Variants in PCSK4 observed in about 807,000 individuals in gnomAD.
The protein encoded by PCSK4 is testicular tissue protein Li 135.
In PCSK4, 64 loss-of-function variants were observed where a neutral mutation model predicts 80.3. That is an observed-to-expected ratio of 0.80 (90% CI 0.65 to 0.98). The LOEUF (loss-of-function observed/expected upper bound fraction) is 0.98. PCSK4 is among the 50% of genes least tolerant of loss of function. The pLI, the probability that PCSK4 is intolerant of heterozygous loss-of-function variation, is 0.00. For missense variants in PCSK4, 1,213 were observed against 1,093.6 expected, an observed-to-expected ratio of 1.11 and a Z score of -1.54; for synonymous variants, 561 against 487.6, an observed-to-expected ratio of 1.15 and a Z score of -1.98.
exon 15 of PCSK4, chr19:1,481,525 T>G: frequency 7.3e-6 from 3 of 410,154 alleles, no homozygotes; most frequent in Admixed American, 3.9e-5. Context: ...CCCCTGGCTT[T>G]TGGGGTGCTC....
chr19:1,488,582 ATT>A (rs1000498097), intron 2 of PCSK4, among the ~76,000 whole-genome samples: 1 of 150,190 alleles, frequency 6.7e-6, no homozygotes. Flanking sequence ...TCACTTCCTT[ATT>A]TTTTTTCTTT....
At chr19:1,490,277 C>A (rs1338533928) in exon 1 of PCSK4, 1 of 1,599,714 alleles carries the variant, frequency 6.3e-7, no homozygotes, top group Admixed American at 1.7e-5. Context: ...GCCCACCCCA[C>A]AGCCCGGGGG....
chr19:1,488,857 A>C (rs2084784383), intron 2 of PCSK4, among the ~76,000 whole-genome samples: 1 of 152,210 alleles, frequency 6.6e-6, no homozygotes, highest in Admixed American at 6.5e-5. Context: ...CCGGGATTAC[A>C]GGCATGAACC....
In PCSK4 at chr19:1,487,931, G is replaced by A. The variant is rs2084724904; in HGVS notation, c.516+33C>T. 4 of 1,592,632 alleles carry A rather than the reference G, an allele frequency of 2.5e-6. No individual in the cohort carries two copies. In the East Asian group the frequency reaches 9.0e-5, roughly 36 times the overall value. On this transcript the variant is annotated intron_variant, in intron 4 of 14. Coordinates refer to ENST00000300954, the Ensembl canonical transcript of PCSK4. Reference sequence around the variant, plus strand: ...GGTGGTGCCAGCCTCGGCACCTGGGGCAGCCCTCGCCCACAGCCACCCGCG... The same window carrying A: ...GGTGGTGCCAGCCTCGGCACCTGGGACAGCCCTCGCCCACAGCCACCCGCG...
Position 1,483,820 on chromosome 19 carries a change from C to G in PCSK4, c.1273+18G>C. ...CCCGTGGGCCCCGGGTCCCCGCCCC[C>G]GCCCGGCCCCGCCGCACCTTGGCGC... On this transcript the variant is annotated intron_variant, in intron 10 of 14. Transcript: ENST00000300954. 1 of 1,483,948 alleles carries G rather than the reference C, an allele frequency of 6.7e-7. No individual in the cohort carries two copies. The highest frequency in any genetic ancestry group is 1.5e-5 in the African/African-American group (1 of 68,734). The allele number at this position is 1,483,948 out of a possible 1,614,324, so 91.9% of individuals were successfully genotyped here. A position where few individuals can be genotyped will look rare whatever the true frequency, so the allele number is the denominator to read the frequency against.
At chr19:1,490,178 C>A (rs1387430635) in exon 1 of PCSK4, 1 of 1,613,728 alleles carries the variant, frequency 6.2e-7, no homozygotes, top group Admixed American at 1.7e-5. Flanking sequence ...TTGACGAAGC[C>A]GAATTTGCGT....
chr19:1,483,449 A>T lies in PCSK4; in HGVS notation c.1406T>A (p.Leu469Gln), dbSNP rs1224799166. The change falls in exon 12 of 15, where the codon CTG becomes CAG. Residue 469 changes from leucine to glutamine, a missense_variant. By Grantham distance (113) the Leu-to-Gln change is moderately radical. Coordinates refer to ENST00000300954, the Ensembl canonical transcript of PCSK4. ...CGATACGTTTTCCCTGATGTAGATC[A>T]GCGGCAGGATGGGGCTGAGGGGGTC... 2.5e-6 allele frequency: 4 copies of T among 1,588,720 alleles called. No individual in the cohort carries two copies. In the East Asian group the frequency reaches 9.0e-5, roughly 36 times the overall value.
intron 13 of PCSK4, 89 bp from the exon 14 acceptor site, chr19:1,482,564 T>A: frequency 6.7e-7 from 1 of 1,490,834 alleles, no homozygotes; most frequent in South Asian, 1.3e-5. Context: ...CCCCTTCAGC[T>A]CCCACGCGGG....
intron 6 of PCSK4, 129 bp from the exon 7 acceptor site, chr19:1,487,442 C>G: frequency 1.0e-6 from 1 of 995,406 alleles, no homozygotes; most frequent in Non-Finnish European, 1.5e-6. Flanking sequence ...GGAGTGGGAC[C>G]ATTCGTATTG....
At chr19:1,483,803 C>T (rs1215100949) in intron 10 of PCSK4, 35 bp downstream of exon 10, 2 of 1,503,402 alleles carry the variant, frequency 1.3e-6, no homozygotes, top group Non-Finnish European at 1.8e-6. Flanking sequence ...GCCCCGTGGG[C>T]CCCGGGTCCC....
At position 1,482,165 on chromosome 19, in the gene PCSK4, G is replaced by A. The variant is rs370961234; in HGVS notation, c.1862C>T (p.Ala621Val). ...GTTGAAGAACCGCGGGGGGCAGTAG[G>A]CCAGGCAGAGCTGTCCCAGGATGTA... is the stretch of plus-strand genomic sequence containing the variant. Residue 621 changes from alanine to valine, a missense_variant, in exon 15 of 15, where the codon GCC becomes GTC. By Grantham distance (64) the Ala-to-Val change is moderately conservative (BLOSUM62 0). Coordinates refer to ENST00000300954, the Ensembl canonical transcript of PCSK4. 35 of 1,558,190 alleles carry A rather than the reference G, an allele frequency of 2.2e-5. 1 individual carries two copies. In the South Asian group the frequency reaches 3.3e-4, roughly 15 times the overall value.
Position 1,483,689 on chromosome 19 carries a change from G to A in PCSK4, c.1352C>T (p.Pro451Leu), listed in dbSNP as rs1039409883. 3.8e-6 allele frequency: 6 copies of A among 1,596,492 alleles called. No homozygotes were observed. In the African/African-American group the frequency reaches 4.0e-5, roughly 11 times the overall value. The stretch of plus-strand genomic sequence containing the variant: ...GACCCGGACGGCGCACTTCCTCTGC[G>A]GCTGGGTGGGCAGCCAGGTGCGGGC... Residue 451 changes from proline to leucine, a missense_variant, in exon 11 of 15, where the codon CCG becomes CTG. By Grantham distance (98) the Pro-to-Leu change is moderately conservative. Transcript: ENST00000300954.
chr19:1,485,209 A>C (rs913261243), intron 8 of PCSK4, among the ~76,000 whole-genome samples: 1 of 151,556 alleles, frequency 6.6e-6, no homozygotes, highest in Non-Finnish European at 1.5e-5. Flanking sequence ...AGTAACAAGG[A>C]CTATGCTCAA....
intron 8 of PCSK4, among the ~76,000 whole-genome samples, chr19:1,486,188 G>A (rs1321670821): frequency 6.6e-6 from 1 of 151,648 alleles, no homozygotes; most frequent in Admixed American, 6.6e-5. Context: ...TGTTGGCTAG[G>A]CTGGTCCTGA....
In PCSK4 at chr19:1,482,863, G is replaced by A. The variant is rs367784299; in HGVS notation, c.1696+33C>T. 15 of 1,606,180 alleles carry A rather than the reference G, an allele frequency of 9.3e-6. No homozygotes were observed. The South Asian group carries it at 1.7e-4, about 18-fold the overall frequency. On this transcript the variant is annotated intron_variant, in intron 13 of 14. Transcript: ENST00000300954. Reference sequence around the variant, plus strand: ...CCCTGGGGGGAGGTTGGAGAGCCAAGCCCCGCCCACCACAGCCCCGCCCCG... The same window carrying A: ...CCCTGGGGGGAGGTTGGAGAGCCAAACCCCGCCCACCACAGCCCCGCCCCG...
chr19:1,486,242 G>T (rs2084602002), intron 8 of PCSK4, among the ~76,000 whole-genome samples: 1 of 152,062 alleles, frequency 6.6e-6, no homozygotes, highest in Non-Finnish European at 1.5e-5. Flanking sequence ...CTCCCAAAGT[G>T]CTGGGATTAC....
At chr19:1,487,735 C>A (rs1345670984) in intron 5 of PCSK4, 44 bp from the exon 6 acceptor site, 4 of 1,548,056 alleles carry the variant, frequency 2.6e-6, no homozygotes, top group Non-Finnish European at 3.5e-6. Context: ...GCCTCCATCC[C>A]CCTGCCGGGT....
At chr19:1,483,854 G>C in exon 10 of PCSK4, 1 of 1,495,088 alleles carries the variant, frequency 6.7e-7, no homozygotes, top group Non-Finnish European at 8.8e-7. Flanking sequence ...GCCCCACGCC[G>C]TTGGTCCTCC....
chr19:1,483,040 G>A lies in PCSK4; in HGVS notation c.1572-20C>T, dbSNP rs1424446797. On this transcript the variant is annotated intron_variant, in intron 12 of 14. Transcript: ENST00000300954. ...AAGGGTCTGGGACAGAAGGGTGGGT[G>A]GGGGTGGGGGTGTCAAGAGGGATGG... 6.7e-7 allele frequency: 1 copy of A among 1,496,592 alleles called. No individual in the cohort carries two copies. The highest frequency in any genetic ancestry group is 1.4e-5 in the African/African-American group (1 of 72,516). The allele number at this position is 1,496,592 out of a possible 1,614,324, so 92.7% of individuals were successfully genotyped here. A position where few individuals can be genotyped will look rare whatever the true frequency, so the allele number is the denominator to read the frequency against.
Sources: gnomAD v4.1 joint callset for allele counts (sites outside exome capture counted in the v4.1 genomes callset) on GRCh38, gnomAD v4.1.1 for gene constraint, MANE v1.5 for transcripts, NCBI Gene and HGNC (gene_info 2026-07-23, HGNC 2026-07-21) for gene names.